TRPA1: variants seen among roughly 807,000 people sequenced by gnomAD.
TRPA1 encodes the protein ankyrin-like with transmembrane domains 1.
Under a neutral mutation model 131.3 loss-of-function variants are expected in TRPA1, and 129 were observed. The ratio of observed to expected loss-of-function variants is 0.98; its 90% CI spans 0.85 to 1.14. The LOEUF is 1.14. Among genes scored for constraint, TRPA1 ranks in the 50% most tolerant of loss-of-function variants. The probability of loss-of-function intolerance (pLI) is 0.00; values close to 1 mark genes in which losing one functional copy is unlikely to be tolerated. For missense variants in TRPA1, 1,304 were observed against 1,354.2 expected (o/e 0.96, Z 0.58); for synonymous variants, 441 against 451.7 (o/e 0.98, Z 0.30).
At chr8:72,047,231 A>G in intron 15 of TRPA1, 24 bp from the exon 16 acceptor site, 1 of 1,582,066 alleles carries the variant, frequency 6.3e-7, no homozygotes, top group Non-Finnish European at 8.7e-7. Context: ...AAACCAGCTA[A>G]GATATTGGGG....
At chr8:72,037,398 A>G (rs563084860) in intron 20 of TRPA1, among the ~76,000 whole-genome samples, 9 of 152,228 alleles carry the variant, frequency 5.9e-5, no homozygotes, top group Admixed American at 2.0e-4. Context: ...AACTTTTGCC[A>G]TTTATCAACC....
chr8:72,042,328 A>G (rs190242840), intron 17 of TRPA1, among the ~76,000 whole-genome samples: 54 of 152,092 alleles, frequency 3.6e-4, no homozygotes, highest in African/African-American at 1.2e-3. Flanking sequence ...AACATCATTC[A>G]TTATTAGGGA....
rs535115293 is a variant in TRPA1 at position 72,053,533 on chromosome 8, A to T, written c.1644+220T>A. ...GGCCTGTGGACCTCGCTGCTCTGTG[A>T]GACTGGAGGTTTCCCCAACATTCAC... is the stretch of plus-strand genomic sequence containing the variant. On this transcript the variant is annotated intron_variant, in intron 13 of 26. Coordinates refer to ENST00000262209, the MANE Select transcript of TRPA1 (RefSeq NM_007332.3). 1.2e-5 allele frequency: 7 copies of T among 569,406 alleles called. No individual in the cohort carries two copies. The East Asian group carries it at 2.2e-4, about 18-fold the overall frequency. The allele number at this position is 569,406 out of a possible 1,614,324, so 35.3% of individuals were successfully genotyped here.
In TRPA1 at chr8:72,036,454, T is replaced by C. The variant is rs754808810; in HGVS notation, c.2389A>G (p.Arg797Gly). The C allele has an allele frequency of 3.1e-6, 5 of 1,613,188 alleles. No individual in the cohort carries two copies. In the African/African-American group the frequency reaches 4.0e-5, roughly 13 times the overall value. ...TTGCTTATATCCATAAAATAATTCC[T>C]TTTCTGGGATAGAAAAGAATAAAAA... ...KEAGQIFQQKRNYFMDISNVL... is the reference protein window; with the variant it reads ...KEAGQIFQQKGNYFMDISNVL... The change falls in exon 21 of 27, where the codon AGG becomes GGG. Residue 797 changes from arginine to glycine, a missense_variant. Physicochemically the swap from Arg to Gly is moderately radical, Grantham distance 125. Transcript: ENST00000262209.
At chr8:72,055,080 C>T in intron 12 of TRPA1, 2 of 261,374 alleles carry the variant, frequency 7.7e-6, no homozygotes, top group Non-Finnish European at 1.5e-5. Flanking sequence ...ACATACACAA[C>T]CACAGTTTTG....
At chr8:72,059,469 T>G in intron 7 of TRPA1, 31 bp from the exon 8 acceptor site, 1 of 1,346,458 alleles carries the variant, frequency 7.4e-7, no homozygotes, top group South Asian at 1.3e-5. Flanking sequence ...ACATTATAAT[T>G]AAAGTACTAT....
At chr8:72,061,894 A>G in intron 6 of TRPA1, 133 bp from the exon 7 acceptor site, 2 of 957,086 alleles carry the variant, frequency 2.1e-6, no homozygotes, top group South Asian at 1.5e-5. Context: ...ACCATTAATC[A>G]TCTGAAATGT....
rs1284861166 is a variant in TRPA1 at position 72,065,432 on chromosome 8, A to G, written c.552+19T>C. On this transcript the variant is annotated intron_variant, in intron 4 of 26. Coordinates refer to ENST00000262209, the MANE Select transcript of TRPA1 (RefSeq NM_007332.3). ...ATGAAAAGATAAAGAAAGCAGACAG[A>G]TATGACAAATATACAAACCAAAATC... 1.9e-6 allele frequency: 3 copies of G among 1,561,734 alleles called. No individual in the cohort carries two copies. The South Asian group carries it at 3.3e-5, about 17-fold the overall frequency.
chr8:72,052,481 A>G, intron 14 of TRPA1, 118 bp downstream of exon 14: 1 of 1,282,780 alleles, frequency 7.8e-7, no homozygotes, highest in Non-Finnish European at 1.1e-6. Flanking sequence ...TAAACAACTG[A>G]TATTTTAAAT....
intron 23 of TRPA1, among the ~76,000 whole-genome samples, chr8:72,033,343 G>A (rs1811903515): frequency 6.6e-6 from 1 of 152,138 alleles, no homozygotes; most frequent in Admixed American, 6.5e-5. Flanking sequence ...CTGACTGTTT[G>A]TAATCACACT....
intron 24 of TRPA1, among the ~76,000 whole-genome samples, chr8:72,026,995 C>T (rs1811633157): frequency 2.6e-5 from 4 of 152,034 alleles, no homozygotes; most frequent in Admixed American, 2.0e-4. Context: ...ATTTAACATA[C>T]TGTGCATTAG....
chr8:72,066,160 A>G (rs1805927700), intron 3 of TRPA1, among the ~76,000 whole-genome samples: 1 of 152,184 alleles, frequency 6.6e-6, no homozygotes, highest in Non-Finnish European at 1.5e-5. Context: ...TTTCTCTACA[A>G]TGTAAGAAAT....
At chr8:72,063,634 G>C in intron 4 of TRPA1, 63 bp from the exon 5 acceptor site, 1 of 1,012,198 alleles carries the variant, frequency 9.9e-7, no homozygotes, top group Non-Finnish European at 1.6e-6. Context: ...GGGTGGATGA[G>C]AATTTATGTG....
intron 15 of TRPA1, among the ~76,000 whole-genome samples, chr8:72,048,391 G>A (rs564143768): frequency 6.6e-6 from 1 of 152,212 alleles, no homozygotes; most frequent in Admixed American, 6.5e-5. Context: ...CAGAAGGGAA[G>A]AAACAGGGCC....
intron 15 of TRPA1, among the ~76,000 whole-genome samples, chr8:72,049,941 T>A (rs991098572): frequency 2.4e-4 from 37 of 152,294 alleles, no homozygotes; most frequent in South Asian, 4.1e-4. Flanking sequence ...ATTTTATTTT[T>A]TTTTTTAATT....
the TRPA1 span, among the ~76,000 whole-genome samples, chr8:72,087,648 A>T: frequency 2.7e-5 from 4 of 150,196 alleles, no homozygotes; most frequent in South Asian, 6.3e-4. Flanking sequence ...ATATATATAT[A>T]TTTTAATTGC....
At chr8:72,088,398 A>G in the TRPA1 span, among the ~76,000 whole-genome samples, 3,287 of 60,692 alleles carry the variant, frequency 0.054, 51 homozygotes, top group Middle Eastern at 0.12. Context: ...GCTGTTTTAT[A>G]GGATTTCAGA....
Position 72,022,433 on chromosome 8 carries a change from T to C in TRPA1, c.*473A>G. On this transcript the variant is annotated 3_prime_UTR_variant, in exon 27 of 27. Transcript: ENST00000262209. Reference sequence around the variant, plus strand: ...CATAGGTTCTTTCAACATGAAGCTTTCCAGGAAGCAGCTTAGGTTAGGTAG... The same window carrying C: ...CATAGGTTCTTTCAACATGAAGCTTCCCAGGAAGCAGCTTAGGTTAGGTAG... The C allele has an allele frequency of 7.4e-6, 2 of 269,114 alleles. No individual in the cohort carries two copies. Among genetic ancestry groups the C allele is most frequent in the Non-Finnish European group, 1.4e-5 (2 of 139,660 alleles). The allele number at this position is 269,114 out of a possible 1,614,324, so 16.7% of individuals were successfully genotyped here. A position where few individuals can be genotyped will look rare whatever the true frequency, so the allele number is the denominator to read the frequency against.
chr8:72,032,591 C>T (rs576770870), intron 23 of TRPA1, among the ~76,000 whole-genome samples: 4 of 152,270 alleles, frequency 2.6e-5, no homozygotes, highest in South Asian at 4.1e-4. Context: ...GCACAGCGGG[C>T]GCTGGATGTT....
Sources: allele counts gnomAD v4.1 joint callset (sites outside exome capture counted in the v4.1 genomes callset), GRCh38; gene constraint gnomAD v4.1.1; transcripts MANE v1.5; gene names NCBI Gene and HGNC (gene_info 2026-07-23, HGNC 2026-07-21).